The following LOC122539214 variants were observed in gnomAD, a reference collection of about 807,000 sequenced individuals.
At chr19:52,686,601 A>C in the LOC122539214 span, among the ~76,000 whole-genome samples, 1 of 151,518 alleles carries the variant, frequency 6.6e-6, no homozygotes, top group South Asian at 2.1e-4. Flanking sequence ...TGAGATGGAG[A>C]CTCGCTATGC....
the LOC122539214 span, among the ~76,000 whole-genome samples, chr19:52,676,130 G>A: frequency 7.2e-5 from 11 of 152,160 alleles, no homozygotes; most frequent in Non-Finnish European, 1.5e-4. Flanking sequence ...GCAGGCGCGC[G>A]CCGCCACGCC....
the LOC122539214 span, among the ~76,000 whole-genome samples, chr19:52,671,613 G>T: frequency 3.8e-3 from 575 of 152,196 alleles, no homozygotes; most frequent in African/African-American, 5.4e-3. Context: ...TGGCTAATTT[G>T]TTAGTACTTT....
At chr19:52,677,349 G>T in the LOC122539214 span, among the ~76,000 whole-genome samples, 1 of 151,168 alleles carries the variant, frequency 6.6e-6, no homozygotes, top group South Asian at 2.1e-4. Flanking sequence ...AGCCGGGTGT[G>T]GTGGTGCATG....
the LOC122539214 span, among the ~76,000 whole-genome samples, chr19:52,677,421 G>A: frequency 6.6e-6 from 1 of 151,974 alleles, no homozygotes; most frequent in African/African-American, 2.4e-5. Flanking sequence ...TGGCAGTGGA[G>A]GTTGCAGTGA....
At chr19:52,670,518 C>G in the LOC122539214 span, among the ~76,000 whole-genome samples, 3 of 152,084 alleles carry the variant, frequency 2.0e-5, no homozygotes, top group Non-Finnish European at 2.9e-5. Flanking sequence ...ATATTTGGTG[C>G]TATTTCTTTT....
chr19:52,664,368 T>C, the LOC122539214 span, among the ~76,000 whole-genome samples: 1 of 151,964 alleles, frequency 6.6e-6, no homozygotes, highest in Non-Finnish European at 1.5e-5. Flanking sequence ...CGGTGGCATG[T>C]AGCTGTGGTC....
chr19:52,687,436 ATAGCTATATAAAT>A, the LOC122539214 span, among the ~76,000 whole-genome samples: 539 of 20,038 alleles, frequency 0.027, 214 homozygotes, highest in African/African-American at 0.13. Context: ...TATAATTTAT[ATAGCTATATAAAT>A]TATAATATAA....
the LOC122539214 span, among the ~76,000 whole-genome samples, chr19:52,661,952 G>A: frequency 0.025 from 3,799 of 152,248 alleles, 152 homozygotes; most frequent in African/African-American, 0.082. Context: ...TGAAGGCCCT[G>A]AGACAGGAGC....
the LOC122539214 span, among the ~76,000 whole-genome samples, chr19:52,655,968 TG>T: frequency 6.6e-6 from 1 of 151,936 alleles, no homozygotes; most frequent in Admixed American, 6.6e-5. Flanking sequence ...CCCAGCAGTT[TG>T]GGAGGCTGAG....
chr19:52,666,235 G>A, the LOC122539214 span, among the ~76,000 whole-genome samples: 1 of 151,634 alleles, frequency 6.6e-6, no homozygotes, highest in African/African-American at 2.4e-5. Flanking sequence ...CAAAAAGGGA[G>A]TCAAAGAGAG....
chr19:52,665,823 C>T, the LOC122539214 span, among the ~76,000 whole-genome samples: 2 of 152,086 alleles, frequency 1.3e-5, no homozygotes, highest in African/African-American at 2.4e-5. Context: ...CCCAAGTGTG[C>T]ACTCACCATT....
At chr19:52,666,272 AAG>A in the LOC122539214 span, among the ~76,000 whole-genome samples, 11 of 151,814 alleles carry the variant, frequency 7.2e-5, no homozygotes, top group South Asian at 4.2e-4. Context: ...AGAGTCAGAA[AAG>A]AGAGAGAGAG....
At chr19:52,680,956 G>A in the LOC122539214 span, among the ~76,000 whole-genome samples, 1 of 151,662 alleles carries the variant, frequency 6.6e-6, no homozygotes, top group Non-Finnish European at 1.5e-5. Flanking sequence ...TGGATGTCTC[G>A]GTTTTATGGA....
the LOC122539214 span, among the ~76,000 whole-genome samples, chr19:52,672,253 T>A: frequency 1.3e-5 from 2 of 152,112 alleles, no homozygotes; most frequent in Non-Finnish European, 2.9e-5. Flanking sequence ...AAAATAAAAA[T>A]AAAATGAAAT....
the LOC122539214 span, among the ~76,000 whole-genome samples, chr19:52,677,306 T>TAAAAAAAAA: frequency 1.9e-5 from 2 of 106,462 alleles, no homozygotes; most frequent in Admixed American, 1.1e-4. Flanking sequence ...AATTGAGAAG[T>TAAAAAAAAA]AAAAAAAAAA....
At chr19:52,667,224 GAAAAAAAAA>G in the LOC122539214 span, among the ~76,000 whole-genome samples, 52 of 86,226 alleles carry the variant, frequency 6.0e-4, no homozygotes, top group African/African-American at 1.7e-3. Context: ...TATCATCTTT[GAAAAAAAAA>G]AAAAAAAAAA....
At chr19:52,683,506 T>G in the LOC122539214 span, among the ~76,000 whole-genome samples, 1 of 34,366 alleles carries the variant, frequency 2.9e-5, no homozygotes, top group African/African-American at 2.9e-4. Context: ...CTCCCCACCC[T>G]TCCTGAAGGG....
At chr19:52,673,513 C>T in the LOC122539214 span, among the ~76,000 whole-genome samples, 7 of 151,836 alleles carry the variant, frequency 4.6e-5, no homozygotes, top group Non-Finnish European at 7.4e-5. Context: ...CACACACACA[C>T]ACACACAAAA....
the LOC122539214 span, among the ~76,000 whole-genome samples, chr19:52,686,254 C>A: frequency 6.6e-6 from 1 of 151,656 alleles, no homozygotes; most frequent in Non-Finnish European, 1.5e-5. Context: ...AATTTCAAAC[C>A]GAAACTATTT....
Sources: gnomAD v4.1 joint callset for allele counts (sites outside exome capture counted in the v4.1 genomes callset) on GRCh38, gnomAD v4.1.1 for gene constraint, MANE v1.5 for transcripts.